PPP4C: variants seen among roughly 807,000 people sequenced by gnomAD.
PPP4C encodes protein phosphatase 4 catalytic subunit, also known as serine/threonine-protein phosphatase 4 catalytic subunit.
In PPP4C, 10 loss-of-function variants were observed where a neutral mutation model predicts 40.5. That is an observed-to-expected ratio of 0.25 (90% CI 0.15 to 0.42). PPP4C has a LOEUF of 0.42. Ranked by LOEUF, PPP4C falls within the 10% of genes least tolerant of loss-of-function variation. The probability of loss-of-function intolerance (pLI) is 1.00; values close to 1 mark genes in which losing one functional copy is unlikely to be tolerated. For synonymous variants in PPP4C, 187 were observed against 163.6 expected (o/e 1.14, Z -1.09); for missense variants, 191 against 416.4 (o/e 0.46, Z 4.71).
Position 30,081,304 on chromosome 16 carries a change from A to G in PPP4C, c.144A>G (p.Pro48=), listed in dbSNP as rs769789743. ...EESNVQRVDS[P]VTVCGDIHGQ... ...GCAACGTGCAGAGGGTGGACTCGCC[A>G]GTCACAGTGAGTACCTGCTGTCCCT... The change falls in exon 3 of 9, where the codon CCA becomes CCG. Residue 48 remains proline, a synonymous_variant. Coordinates refer to ENST00000279387, the MANE Select transcript of PPP4C (RefSeq NM_002720.3). The G allele has an allele frequency of 3.7e-5, 59 of 1,612,962 alleles. No individual in the cohort carries two copies. The highest frequency in any genetic ancestry group is 4.7e-5 in the Non-Finnish European group (56 of 1,179,148).
chr16:30,077,722 C>G (rs955250710), intron 2 of PPP4C, among the ~76,000 whole-genome samples: 17 of 152,178 alleles, frequency 1.1e-4, no homozygotes, highest in Admixed American at 2.6e-4. Flanking sequence ...AAACTTCTAT[C>G]CATCTCTTCC....
chr16:30,082,363 G>C, intron 3 of PPP4C, 121 bp from the exon 4 acceptor site: 1 of 1,057,872 alleles, frequency 9.5e-7, no homozygotes, highest in Non-Finnish European at 1.5e-6. Context: ...GAGAATTTTG[G>C]TCCTAGGAAG....
intron 5 of PPP4C, 90 bp downstream of exon 5, chr16:30,082,937 C>G: frequency 8.9e-7 from 1 of 1,128,400 alleles, no homozygotes. Context: ...CTATCGTGAC[C>G]AGCCCCACCT....
At position 30,085,079 on chromosome 16, in the gene PPP4C, C is replaced by G. The variant is rs961007757; in HGVS notation, c.*17C>G. The stretch of plus-strand genomic sequence containing the variant: ...TTCCTGTGACCCCGCCCGGCCCCTG[C>G]CCCCTCCAACCCTTCTGGCCCTCGC... On this transcript the variant is annotated 3_prime_UTR_variant, in exon 9 of 9. Coordinates refer to ENST00000279387, the MANE Select transcript of PPP4C (RefSeq NM_002720.3). 1.2e-5 allele frequency: 19 copies of G among 1,611,462 alleles called. No homozygotes were observed. Among genetic ancestry groups the G allele is most frequent in the Middle Eastern group, 3.6e-4 (2 of 5,498 alleles).
At position 30,082,547 on chromosome 16, in the gene PPP4C, C is replaced by T. The variant is rs748384864; in HGVS notation, c.201+13C>T. 9.9e-6 allele frequency: 16 copies of T among 1,609,518 alleles called. No individual in the cohort carries two copies. Among genetic ancestry groups the T allele is most frequent in the African/African-American group, 5.3e-5 (4 of 74,770 alleles). The stretch of plus-strand genomic sequence containing the variant: ...AGAGCTGTTCAGAGTAAGAGTGTGG[C>T]CAACACTGTGAAATGTAACGGGGGG... On this transcript the variant is annotated intron_variant, in intron 4 of 8. Transcript: ENST00000279387.
intron 8 of PPP4C, 23 bp downstream of exon 8, chr16:30,084,878 G>A (rs1250921217): frequency 1.2e-6 from 2 of 1,613,722 alleles, no homozygotes; most frequent in East Asian, 2.2e-5. Flanking sequence ...GGCCGGGCTG[G>A]GATGGGCGGG....
rs1596838834 is a variant in PPP4C at position 30,083,013 on chromosome 16, T to C, written c.303+166T>C. 1.6e-6 allele frequency: 1 copy of C among 641,502 alleles called. No individual in the cohort carries two copies. Among genetic ancestry groups the C allele is most frequent in the East Asian group, 2.8e-5 (1 of 36,112 alleles). The allele number at this position is 641,502 out of a possible 1,614,324, so 39.7% of individuals were successfully genotyped here. ...GGGTGGTCAGAGACTTGATGGGGGTTGAGGCCAGCGGGGCAGCATTCTGGG... is the reference window on the plus strand; with the variant it reads ...GGGTGGTCAGAGACTTGATGGGGGTCGAGGCCAGCGGGGCAGCATTCTGGG... On this transcript the variant is annotated intron_variant, in intron 5 of 8. Coordinates refer to ENST00000279387, the MANE Select transcript of PPP4C (RefSeq NM_002720.3). The surrounding 1 kb of genome is among the most constrained non-coding windows in gnomAD (Gnocchi z 6.3).
chr16:30,083,197 A>G lies in PPP4C; in HGVS notation c.304-197A>G, dbSNP rs962513996. 15 of 655,478 alleles carry G rather than the reference A, an allele frequency of 2.3e-5. No individual in the cohort carries two copies. The highest frequency in any genetic ancestry group is 2.9e-5 in the Non-Finnish European group (11 of 378,258). The allele number at this position is 655,478 out of a possible 1,614,324, so 40.6% of individuals were successfully genotyped here. A position where few individuals can be genotyped will look rare whatever the true frequency, so the allele number is the denominator to read the frequency against. On this transcript the variant is annotated intron_variant, in intron 5 of 8. Coordinates refer to ENST00000279387, the MANE Select transcript of PPP4C (RefSeq NM_002720.3). This position sits in a 1 kb window ranked among gnomAD's most constrained non-coding sequence, Gnocchi z 6.3. ...AGCCATTAGGTTCATAGTTGAGGGA[A>G]TGGGTCAGCTTTACATTCTCTGGAG...
intron 2 of PPP4C, among the ~76,000 whole-genome samples, chr16:30,078,235 A>G (rs556443546): frequency 1.3e-5 from 2 of 152,332 alleles, no homozygotes; most frequent in East Asian, 1.9e-4. Flanking sequence ...AGCCTAAGGA[A>G]TACGCAGGGT....
rs1178701945 is a variant in PPP4C at position 30,084,768 on chromosome 16, G to A, written c.707G>A (p.Arg236His). The A allele has an allele frequency of 3.1e-6, 5 of 1,614,120 alleles. No homozygotes were observed. Among genetic ancestry groups the A allele is most frequent in the East Asian group, 2.2e-5 (1 of 44,894 alleles). The change falls in exon 8 of 9, where the codon CGT (arginine) becomes CAT (histidine). Residue 236 changes from arginine (R) to histidine (H), a missense_variant. Arg to His is a conservative substitution (Grantham distance 29). Coordinates refer to ENST00000279387, the MANE Select transcript of PPP4C (RefSeq NM_002720.3). ...NAANDIDMIC[R>H]AHQLVMEGYK... ...GCCAATGACATTGACATGATCTGCC[G>A]TGCCCACCAACTGGTGATGGAAGGT...
chr16:30,076,478 G>T lies in PPP4C; in HGVS notation c.98+3G>T. On this transcript the variant is annotated splice_donor_region_variant and intron_variant, in intron 2 of 8. Coordinates refer to ENST00000279387, the MANE Select transcript of PPP4C (RefSeq NM_002720.3). ...AAGGCCCTGTGCGCTAAGGCCAGGTGAGCTCGTTGGCCCTGGGGAAGGGAG... is the reference window on the plus strand; with the variant it reads ...AAGGCCCTGTGCGCTAAGGCCAGGTTAGCTCGTTGGCCCTGGGGAAGGGAG... 1 of 1,606,876 alleles carries T rather than the reference G, an allele frequency of 6.2e-7. No homozygotes were observed. The highest frequency in any genetic ancestry group is 8.5e-7 in the Non-Finnish European group (1 of 1,176,798).
intron 3 of PPP4C, among the ~76,000 whole-genome samples, chr16:30,082,018 G>A (rs1220288638): frequency 1.7e-4 from 26 of 151,024 alleles, no homozygotes; most frequent in South Asian, 4.2e-4. Context: ...TCGCGCCACC[G>A]CACTCCAGGC....
chr16:30,077,845 G>A (rs1400831659), intron 2 of PPP4C, among the ~76,000 whole-genome samples: 2 of 152,216 alleles, frequency 1.3e-5, no homozygotes, highest in East Asian at 1.9e-4. Flanking sequence ...ACGTGGCAGA[G>A]CTGGGTCCTG....
chr16:30,079,276 A>G (rs1161317890), intron 2 of PPP4C, among the ~76,000 whole-genome samples: 1 of 145,206 alleles, frequency 6.9e-6, no homozygotes, highest in African/African-American at 2.6e-5. Flanking sequence ...TGCAACCTCC[A>G]CCTCCTAGGT....
chr16:30,083,309 G>T lies in PPP4C; in HGVS notation c.304-85G>T. 1 of 1,459,462 alleles carries T rather than the reference G, an allele frequency of 6.9e-7. No homozygotes were observed. The highest frequency in any genetic ancestry group is 9.3e-7 in the Non-Finnish European group (1 of 1,071,552). 90.4% of individuals were successfully genotyped at this position (1,459,462 alleles called of 1,614,324 possible). On this transcript the variant is annotated intron_variant, in intron 5 of 8. Transcript: ENST00000279387. The surrounding 1 kb of genome is among the most constrained non-coding windows in gnomAD (Gnocchi z 6.3). ...GTGCTGGGCAGTGGTTGTGAGGATG[G>T]CAGGCTGGCGGGCACGAGGAGGTCA...
intron 2 of PPP4C, among the ~76,000 whole-genome samples, chr16:30,079,338 C>T (rs561528933): frequency 1.3e-4 from 20 of 151,948 alleles, no homozygotes; most frequent in Admixed American, 1.1e-3. Flanking sequence ...TACAGGCACG[C>T]GCCACCATGC....
intron 2 of PPP4C, among the ~76,000 whole-genome samples, chr16:30,077,334 C>G (rs1206093764): frequency 6.6e-6 from 1 of 152,152 alleles, no homozygotes; most frequent in African/African-American, 2.4e-5. Flanking sequence ...TGTTTTGGTA[C>G]AGCATACGTG....
chr16:30,083,349 G>T lies in PPP4C; in HGVS notation c.304-45G>T, dbSNP rs185769556. The T allele has an allele frequency of 4.4e-6, 7 of 1,582,986 alleles. No homozygotes were observed. The highest frequency in any genetic ancestry group is 6.0e-6 in the Non-Finnish European group (7 of 1,165,050). The stretch of plus-strand genomic sequence containing the variant: ...CGAGGAGGTCAGAGAGGGATGTGTG[G>T]AGAGACCGTCTAGGCGCCAGCCCTG... On this transcript the variant is annotated intron_variant, in intron 5 of 8. Transcript: ENST00000279387. The surrounding 1 kb of genome is among the most constrained non-coding windows in gnomAD (Gnocchi z 6.3).
In PPP4C at chr16:30,083,116, CA is replaced by C. The variant is rs1312659640; in HGVS notation, c.303+272del. ...GGAGAGGCAGTGTGGGGCCAGATGACAAAGGGCCTGGGTGCCTTGCTAGGGA... is the reference window on the plus strand; with the variant it reads ...GGAGAGGCAGTGTGGGGCCAGATGACAAGGGCCTGGGTGCCTTGCTAGGGA... On this transcript the variant is annotated intron_variant, in intron 5 of 8. Transcript: ENST00000279387. This position sits in a 1 kb window ranked among gnomAD's most constrained non-coding sequence, Gnocchi z 6.3. 4 of 590,406 alleles carry C rather than the reference CA, an allele frequency of 6.8e-6. No individual in the cohort carries two copies. In the African/African-American group the frequency reaches 7.5e-5, roughly 11 times the overall value. The allele number at this position is 590,406 out of a possible 1,614,324, so 36.6% of individuals were successfully genotyped here. A position where few individuals can be genotyped will look rare whatever the true frequency, so the allele number is the denominator to read the frequency against.
Sources: allele counts gnomAD v4.1 joint callset (sites outside exome capture counted in the v4.1 genomes callset), GRCh38; gene constraint gnomAD v4.1.1; non-coding constraint Gnocchi (gnomAD v3.1); transcripts MANE v1.5; gene names NCBI Gene and HGNC (gene_info 2026-07-23, HGNC 2026-07-21).